Variants in TENM3 observed in about 807,000 individuals in gnomAD.
The protein encoded by TENM3 is teneurin-3.
A neutral mutation model predicts 255.1 loss-of-function variants in TENM3; 63 were observed. That is an observed-to-expected ratio of 0.25 (90% CI 0.20 to 0.30). TENM3 has a LOEUF of 0.30. TENM3 is among the 10% of genes least tolerant of loss of function. The pLI, the probability that TENM3 is intolerant of heterozygous loss-of-function variation, is 1.00. For synonymous variants in TENM3, 1,306 were observed against 1,322.3 expected, an observed-to-expected ratio of 0.99 and a Z score of 0.27; for missense variants, 2,929 against 3,461.1, an observed-to-expected ratio of 0.85 and a Z score of 3.86.
At chr4:181,691,089 C>T in the TENM3 span, among the ~76,000 whole-genome samples, 1 of 152,068 alleles carries the variant, frequency 6.6e-6, no homozygotes, top group Non-Finnish European at 1.5e-5. Context: ...AAATCAAATG[C>T]AAAGTCATGC....
intron 1 of TENM3, among the ~76,000 whole-genome samples, chr4:182,212,704 T>C (rs1755137181): frequency 6.6e-6 from 1 of 152,194 alleles, no homozygotes; most frequent in Non-Finnish European, 1.5e-5. Context: ...CCGATACCGC[T>C]GAACTCTTTG....
the TENM3 span, among the ~76,000 whole-genome samples, chr4:181,615,522 A>C: frequency 6.6e-6 from 1 of 152,184 alleles, no homozygotes; most frequent in Non-Finnish European, 1.5e-5. Flanking sequence ...AAGTATTTTC[A>C]TAATTCCATT....
chr4:182,033,244 C>T, the TENM3 span, among the ~76,000 whole-genome samples: 5 of 151,050 alleles, frequency 3.3e-5, no homozygotes, highest in Admixed American at 1.3e-4. Context: ...TATGTTGTCT[C>T]TTTGTTTTCA....
chr4:181,685,606 G>A, the TENM3 span, among the ~76,000 whole-genome samples: 18 of 152,250 alleles, frequency 1.2e-4, no homozygotes, highest in South Asian at 1.5e-3. Flanking sequence ...AGAGCATTGC[G>A]TGAAAAGATC....
chr4:181,658,032 A>G, the TENM3 span, among the ~76,000 whole-genome samples: 1 of 152,174 alleles, frequency 6.6e-6, no homozygotes, highest in African/African-American at 2.4e-5. Context: ...AAAACTACCT[A>G]TAGGGGACTT....
chr4:182,622,077 G>A (rs368931876), intron 4 of TENM3, among the ~76,000 whole-genome samples: 2 of 151,424 alleles, frequency 1.3e-5, no homozygotes, highest in East Asian at 3.9e-4. Context: ...AATAATAATT[G>A]CGGCAGGGCA....
chr4:181,528,984 A>G, the TENM3 span, among the ~76,000 whole-genome samples: 7 of 152,230 alleles, frequency 4.6e-5, no homozygotes, highest in Non-Finnish European at 8.8e-5. Context: ...GAGTAGCATA[A>G]ATAAGATTAG....
chr4:182,646,683 A>G (rs1161266745), intron 5 of TENM3, among the ~76,000 whole-genome samples: 1 of 152,320 alleles, frequency 6.6e-6, no homozygotes, highest in Admixed American at 6.5e-5. Context: ...TGGAGGCTGC[A>G]GTGAGCCGGG....
chr4:182,302,267 T>C (rs1476335135), intron 1 of TENM3, among the ~76,000 whole-genome samples: 1 of 152,162 alleles, frequency 6.6e-6, no homozygotes, highest in African/African-American at 2.4e-5. Flanking sequence ...CTTTCCACCA[T>C]AAAGGAAGGT....
At position 182,799,606 on chromosome 4, in the gene TENM3, G is replaced by C. The variant is rs981438489; in HGVS notation, c.7355G>C (p.Gly2452Ala). ...QQWDDIPPIF[G>A]VQQQVARQAK... ...TTGTTTCGCCCGCAGCCCATCTTCG[G>C]AGTCCAGCAGCAAGTGGCGCGGCAG... The change falls in exon 28 of 28, where the codon GGA becomes GCA. Residue 2452 changes from glycine (G) to alanine (A), a missense_variant. This residue lies in a region of TENM3 where 476 missense variants were observed against 480.1 expected (regional missense o/e 0.99). Coordinates refer to ENST00000511685, the MANE Select transcript of TENM3 (RefSeq NM_001080477.4). The surrounding 1 kb of genome is among the most constrained non-coding windows in gnomAD (Gnocchi z 4.2). 4.5e-6 allele frequency: 7 copies of C among 1,540,536 alleles called. No homozygotes were observed. Among genetic ancestry groups the C allele is most frequent in the Non-Finnish European group, 6.1e-6 (7 of 1,146,378 alleles).
chr4:181,853,768 G>A, the TENM3 span, among the ~76,000 whole-genome samples: 3 of 152,098 alleles, frequency 2.0e-5, no homozygotes, highest in Non-Finnish European at 4.4e-5. Context: ...AAACGGTCCC[G>A]GAGGGTTAAG....
intron 7 of TENM3, among the ~76,000 whole-genome samples, chr4:182,677,569 T>G (rs1755766993): frequency 6.6e-6 from 1 of 152,228 alleles, no homozygotes; most frequent in Non-Finnish European, 1.5e-5. Context: ...ACTGCTGAAT[T>G]AATTTTCCTC....
chr4:182,713,785 G>C (rs1382105108), intron 12 of TENM3, among the ~76,000 whole-genome samples: 1 of 152,078 alleles, frequency 6.6e-6, no homozygotes, highest in South Asian at 2.1e-4. Context: ...AATATACCTT[G>C]TTGCTTGGCT....
the TENM3 span, among the ~76,000 whole-genome samples, chr4:181,535,396 G>T: frequency 6.6e-6 from 1 of 152,158 alleles, no homozygotes; most frequent in Non-Finnish European, 1.5e-5. Context: ...GTTGAGATAG[G>T]CCTAAAGGCC....
At chr4:182,786,552 G>A (rs866520146) in intron 24 of TENM3, among the ~76,000 whole-genome samples, 30 of 116,362 alleles carry the variant, frequency 2.6e-4, no homozygotes, top group Admixed American at 1.6e-3. Flanking sequence ...GTGAGACCCC[G>A]TCTTAAAAAA....
the TENM3 span, among the ~76,000 whole-genome samples, chr4:181,705,050 AC>A: frequency 7.8e-4 from 23 of 29,668 alleles, no homozygotes; most frequent in African/African-American, 2.2e-3. Flanking sequence ...ACAAAACAAA[AC>A]AAAAAAAAAA....
the TENM3 span, among the ~76,000 whole-genome samples, chr4:181,715,585 C>T: frequency 6.6e-6 from 1 of 152,200 alleles, no homozygotes; most frequent in African/African-American, 2.4e-5. Flanking sequence ...AAAGTAACTA[C>T]AATTAGGCTG....
intron 22 of TENM3, among the ~76,000 whole-genome samples, chr4:182,771,582 C>T (rs540367046): frequency 3.3e-5 from 5 of 152,104 alleles, no homozygotes; most frequent in East Asian, 3.9e-4. Flanking sequence ...CCCGATAGCA[C>T]GTTCTTCACA....
At chr4:182,676,424 C>A (rs1426573749) in intron 7 of TENM3, among the ~76,000 whole-genome samples, 1 of 152,116 alleles carries the variant, frequency 6.6e-6, no homozygotes, top group African/African-American at 2.4e-5. Context: ...TTGCAGAGTC[C>A]CTTCTCTGAG....
Sources: allele counts gnomAD v4.1 joint callset (sites outside exome capture counted in the v4.1 genomes callset), GRCh38; gene constraint gnomAD v4.1.1; regional missense constraint gnomAD v4.1.1; non-coding constraint Gnocchi (gnomAD v3.1); transcripts MANE v1.5; gene names NCBI Gene and HGNC (gene_info 2026-07-23, HGNC 2026-07-21).